Variants in MYO18A observed in about 807,000 individuals in gnomAD.
MYO18A encodes the protein unconventional myosin-XVIIIa.
A neutral mutation model predicts 235.8 loss-of-function variants in MYO18A; 78 were observed. That is an observed-to-expected ratio of 0.33 (90% confidence interval 0.28 to 0.40). The LOEUF (loss-of-function observed/expected upper bound fraction) is 0.40, where lower values mean the gene tolerates loss of function less well. MYO18A is among the 10% of genes least tolerant of loss of function. The pLI is 1.00. For missense variants in MYO18A, 2,215 were observed against 2,699.3 expected, an observed-to-expected ratio of 0.82 and a Z score of 3.98; for synonymous variants, 977 against 1,077.8, an observed-to-expected ratio of 0.91 and a Z score of 1.83.
chr17:29,148,582 T>TTGTGTGTGTGTGTG lies in MYO18A; in HGVS notation c.999+17346_999+17359dup, dbSNP rs10535921. On this transcript the variant is annotated intron_variant, in intron 2 of 41. Coordinates refer to ENST00000527372, the MANE Select transcript of MYO18A (RefSeq NM_078471.4). ...TTGGGAGGAATTATCCTTTATTCTT[T>TTGTGTGTGTGTGTG]TGTGTGTGTGTGTGTGTGTGTGTGT... Among the ~76,000 whole-genome samples, 728 of 148,862 alleles carry TTGTGTGTGTGTGTG rather than the reference T, an allele frequency of 4.9e-3. 6 individuals carry two copies. The highest frequency in any genetic ancestry group is 4.3e-3 in the Non-Finnish European group (290 of 67,062).
Position 29,115,791 on chromosome 17 carries a change from G to A in MYO18A, c.2100C>T (p.Tyr700=). Residue 700 remains tyrosine (Y), a synonymous_variant, in exon 12 of 42, where the codon TAC becomes TAT. Coordinates refer to ENST00000527372, the MANE Select transcript of MYO18A (RefSeq NM_078471.4). Reference sequence around the variant, plus strand: ...GCTCCTCCAGGCTGCAGCCCAGTAGGTACGCAGCCTTCTGGGCCCACTCAT... The same window carrying A: ...GCTCCTCCAGGCTGCAGCCCAGTAGATACGCAGCCTTCTGGGCCCACTCAT... ...ARHEWAQKAA[Y]LLGCSLEELS... The A allele has an allele frequency of 6.3e-7, 1 of 1,591,880 alleles. No homozygotes were observed. Among genetic ancestry groups the A allele is most frequent in the South Asian group, 1.1e-5 (1 of 87,486 alleles).
chr17:29,117,317 C>T lies in MYO18A; in HGVS notation c.2038+728G>A, dbSNP rs1043979356. Among the ~76,000 whole-genome samples, 2 of 152,142 alleles carry T rather than the reference C, an allele frequency of 1.3e-5. No individual in the cohort carries two copies. Among genetic ancestry groups the T allele is most frequent in the African/African-American group, 2.4e-5 (1 of 41,422 alleles). On this transcript the variant is annotated intron_variant, in intron 10 of 41. Transcript: ENST00000527372. The surrounding 1 kb of genome is among the most constrained non-coding windows in gnomAD (Gnocchi z 4.6). ...CATTCGTTACCACGGTGCCTGCTGC[C>T]CCCTAGTGGCCGCCACCCTGACATG... is the stretch of plus-strand genomic sequence containing the variant.
intron 2 of MYO18A, among the ~76,000 whole-genome samples, chr17:29,136,083 ACTGGGAACGATGGTG>A (rs1473807778): frequency 6.6e-6 from 1 of 151,894 alleles, no homozygotes; most frequent in Non-Finnish European, 1.5e-5. Context: ...CAAAAAATTA[ACTGGGAACGATGGTG>A]CATGCCTGTG....
chr17:29,106,982 T>G lies in MYO18A; in HGVS notation c.3441+98A>C. On this transcript the variant is annotated intron_variant, in intron 20 of 41. Transcript: ENST00000527372. This position sits in a 1 kb window ranked among gnomAD's most constrained non-coding sequence, Gnocchi z 4.6. ...AACTGGGAGCCTGAGCAGGGCCAGATGAGCTGTCTCCAGGGAAGGGAAGGC... is the reference window on the plus strand; with the variant it reads ...AACTGGGAGCCTGAGCAGGGCCAGAGGAGCTGTCTCCAGGGAAGGGAAGGC... 8.4e-7 allele frequency: 1 copy of G among 1,194,186 alleles called. No homozygotes were observed. The highest frequency in any genetic ancestry group is 1.2e-6 in the Non-Finnish European group (1 of 810,570). The allele number at this position is 1,194,186 out of a possible 1,614,324, so 74.0% of individuals were successfully genotyped here. A position where few individuals can be genotyped will look rare whatever the true frequency, so the allele number is the denominator to read the frequency against.
intron 2 of MYO18A, 93 bp downstream of exon 2, chr17:29,165,849 T>A: frequency 8.2e-7 from 1 of 1,218,562 alleles, no homozygotes; most frequent in Non-Finnish European, 1.2e-6. Flanking sequence ...TAGGCTCTGA[T>A]AACAGCTCTT....
chr17:29,085,742 T>G lies in MYO18A; in HGVS notation c.5853-94A>C, dbSNP rs987465639. On this transcript the variant is annotated intron_variant, in intron 39 of 41. Coordinates refer to ENST00000527372, the MANE Select transcript of MYO18A (RefSeq NM_078471.4). ...GGTGGACCCCTTAGCTGAAGACCTC[T>G]CTTCCCTCAGCAAGAGCCAGCTCTG... The G allele has an allele frequency of 6.2e-6, 8 of 1,287,202 alleles. No individual in the cohort carries two copies. In the African/African-American group the frequency reaches 1.2e-4, roughly 19 times the overall value. The allele number at this position is 1,287,202 out of a possible 1,614,324, so 79.7% of individuals were successfully genotyped here. A position where few individuals can be genotyped will look rare whatever the true frequency, so the allele number is the denominator to read the frequency against.
intron 2 of MYO18A, among the ~76,000 whole-genome samples, chr17:29,150,381 C>T (rs971911489): frequency 1.3e-5 from 2 of 152,234 alleles, no homozygotes; most frequent in African/African-American, 4.8e-5. Flanking sequence ...CAGAAGACAT[C>T]CTTGGCGAGG....
In MYO18A at chr17:29,110,205, C is replaced by T. The variant is rs1334215262; in HGVS notation, c.3088-104G>A. 5 of 1,465,520 alleles carry T rather than the reference C, an allele frequency of 3.4e-6. No individual in the cohort carries two copies. The Admixed American group carries it at 7.9e-5, about 23-fold the overall frequency. The allele number at this position is 1,465,520 out of a possible 1,614,324, so 90.8% of individuals were successfully genotyped here. On this transcript the variant is annotated intron_variant, in intron 18 of 41. Transcript: ENST00000527372. ...CACTGCTCACAGGGTAGCAGCGGCC[C>T]CAGCACCAGCCAGGACATGCTAAAC...
chr17:29,174,726 C>T (rs2152990736), intron 1 of MYO18A, among the ~76,000 whole-genome samples: 1 of 152,098 alleles, frequency 6.6e-6, no homozygotes, highest in African/African-American at 2.4e-5. Flanking sequence ...GCAGGAGAAT[C>T]GCTTGAATCC....
Position 29,080,123 on chromosome 17 carries a change from G to T in MYO18A, c.6020+2193C>A, listed in dbSNP as rs575101202. Reference sequence around the variant, plus strand: ...GACACATCAGCAGCAGAGGCGGAGCGGCGGATGCTGGCAGCTCGCTCCGGG... The same window carrying T: ...GACACATCAGCAGCAGAGGCGGAGCTGCGGATGCTGGCAGCTCGCTCCGGG... On this transcript the variant is annotated intron_variant, in intron 41 of 41. Transcript: ENST00000527372. The T allele has an allele frequency of 7.1e-5, 70 of 985,946 alleles. No individual in the cohort carries two copies. The African/African-American group carries it at 1.2e-3, about 17-fold the overall frequency. The allele number at this position is 985,946 out of a possible 1,614,324, so 61.1% of individuals were successfully genotyped here.
At chr17:29,113,204 C>T (rs897552741) in intron 15 of MYO18A, among the ~76,000 whole-genome samples, 2 of 152,180 alleles carry the variant, frequency 1.3e-5, no homozygotes, top group African/African-American at 4.8e-5. Context: ...CGGGGGGATA[C>T]TCACTCTTTC....
At chr17:29,090,693 G>A in intron 35 of MYO18A, 78 bp from the exon 36 acceptor site, 2 of 1,542,514 alleles carry the variant, frequency 1.3e-6, no homozygotes, top group South Asian at 2.2e-5. Flanking sequence ...GAACACCAGG[G>A]GACCGAGGTT....
chr17:29,086,651 A>T, intron 38 of MYO18A, 74 bp from the exon 39 acceptor site: 2 of 1,550,312 alleles, frequency 1.3e-6, no homozygotes, highest in Non-Finnish European at 1.7e-6. Context: ...AGCCTGCTTC[A>T]AGTACTTTCC....
At chr17:29,095,284 G>A (rs1049808625) in intron 28 of MYO18A, among the ~76,000 whole-genome samples, 9 of 152,210 alleles carry the variant, frequency 5.9e-5, no homozygotes, top group Non-Finnish European at 1.0e-4. Flanking sequence ...ACTCAGGTGA[G>A]CCCTTTCACC....
intron 2 of MYO18A, among the ~76,000 whole-genome samples, chr17:29,164,237 T>C (rs2068234586): frequency 6.6e-6 from 1 of 152,226 alleles, no homozygotes; most frequent in Non-Finnish European, 1.5e-5. Flanking sequence ...CTTCCCTCTC[T>C]ACCTCGTGGT....
chr17:29,160,033 A>G (rs2068140378), intron 2 of MYO18A, among the ~76,000 whole-genome samples: 1 of 152,214 alleles, frequency 6.6e-6, no homozygotes, highest in Non-Finnish European at 1.5e-5. Flanking sequence ...GGATGGGTGA[A>G]CACTAGGATG....
intron 2 of MYO18A, chr17:29,133,696 T>G: frequency 2.3e-6 from 2 of 859,048 alleles, no homozygotes; most frequent in South Asian, 2.8e-5. Flanking sequence ...CCAATCCATC[T>G]CTAGCTTCCA....
intron 2 of MYO18A, among the ~76,000 whole-genome samples, chr17:29,124,069 A>G (rs896342892): frequency 6.6e-6 from 1 of 152,040 alleles, no homozygotes; most frequent in Non-Finnish European, 1.5e-5. Context: ...AAATCATTAC[A>G]ATGTTGTATA....
chr17:29,166,809 G>A lies in MYO18A; in HGVS notation c.132C>T (p.Gly44=). The part of the protein sequence containing the change: ...RSLEEMSLRR[G]FFNLNRSSKR... ...TGGAGGAGCGGTTCAGGTTGAAGAAGCCACGTCGCAGGCTCATCTCCTCCA... is the reference window on the plus strand; with the variant it reads ...TGGAGGAGCGGTTCAGGTTGAAGAAACCACGTCGCAGGCTCATCTCCTCCA... Residue 44 remains glycine (G), a synonymous_variant, in exon 2 of 42, where the codon GGC becomes GGT. Transcript: ENST00000527372. 6.2e-7 allele frequency: 1 copy of A among 1,604,202 alleles called. No individual in the cohort carries two copies. The highest frequency in any genetic ancestry group is 8.5e-7 in the Non-Finnish European group (1 of 1,175,722).
Sources: allele counts gnomAD v4.1 joint callset (sites outside exome capture counted in the v4.1 genomes callset), GRCh38; gene constraint gnomAD v4.1.1; non-coding constraint Gnocchi (gnomAD v3.1); transcripts MANE v1.5; gene names NCBI Gene and HGNC (gene_info 2026-07-23, HGNC 2026-07-21).